The following ZMAT5 variants were observed in gnomAD, a reference collection of about 807,000 sequenced individuals.
ZMAT5 encodes zinc finger matrin-type 5, also known as zinc finger matrin-type protein 5.
Under a neutral mutation model 28.0 loss-of-function variants are expected in ZMAT5, and 23 were observed. The observed-to-expected ratio is 0.82, with a 90% CI of 0.59 to 1.16. The LOEUF is 1.16. Among genes scored for constraint, ZMAT5 ranks in the 50% most tolerant of loss-of-function variants. ZMAT5 has a pLI of 0.00. For synonymous variants in ZMAT5, 76 were observed against 84.1 expected (o/e 0.90, Z 0.52); for missense variants, 173 against 212.7 (o/e 0.81, Z 1.16).
At chr22:29,752,759 TC>T (rs748703772) in intron 1 of ZMAT5, among the ~76,000 whole-genome samples, 5 of 152,154 alleles carry the variant, frequency 3.3e-5, no homozygotes, top group Admixed American at 2.6e-4. Flanking sequence ...CCCAGGTTGG[TC>T]TCAAACTCCT....
intron 3 of ZMAT5, 149 bp downstream of exon 3, chr22:29,742,269 C>A: frequency 1.4e-6 from 1 of 697,886 alleles, no homozygotes; most frequent in Non-Finnish European, 2.5e-6. Context: ...CTTGGGAAGG[C>A]CCTGACTGGC....
chr22:29,758,512 ACT>A (rs1018342552), intron 1 of ZMAT5, among the ~76,000 whole-genome samples: 1 of 151,964 alleles, frequency 6.6e-6, no homozygotes, highest in African/African-American at 2.4e-5. Context: ...AGTTCCAGCT[ACT>A]TGGGGGGCTG....
intron 1 of ZMAT5, among the ~76,000 whole-genome samples, chr22:29,762,333 C>G (rs764637407): frequency 3.9e-5 from 6 of 152,156 alleles, no homozygotes; most frequent in Non-Finnish European, 5.9e-5. Context: ...TGGCTTAAAG[C>G]AGGGGACCCC....
intron 5 of ZMAT5, among the ~76,000 whole-genome samples, chr22:29,735,452 G>A (rs1265742121): frequency 6.6e-6 from 1 of 152,232 alleles, no homozygotes; most frequent in Admixed American, 6.5e-5. Flanking sequence ...GTGGGCTCCA[G>A]TTGCAGAACA....
chr22:29,762,322 A>T (rs1192950359), intron 1 of ZMAT5, among the ~76,000 whole-genome samples: 1 of 152,240 alleles, frequency 6.6e-6, no homozygotes, highest in East Asian at 1.9e-4. Flanking sequence ...GTTGAAATAC[A>T]TGGCTTAAAG....
chr22:29,759,753 G>C (rs2068137921), intron 1 of ZMAT5, among the ~76,000 whole-genome samples: 1 of 152,228 alleles, frequency 6.6e-6, no homozygotes, highest in South Asian at 2.1e-4. Context: ...TTGGGCAACA[G>C]AGTGAGACCC....
At chr22:29,739,955 G>A (rs937821413) in intron 4 of ZMAT5, among the ~76,000 whole-genome samples, 3 of 152,234 alleles carry the variant, frequency 2.0e-5, no homozygotes, top group Non-Finnish European at 2.9e-5. Flanking sequence ...GCTACCCTGA[G>A]GCCTCCTGGA....
intron 5 of ZMAT5, among the ~76,000 whole-genome samples, chr22:29,732,251 C>T (rs140100): frequency 0.44 from 66,748 of 152,114 alleles, 15,010 homozygotes; most frequent in East Asian, 0.6. Context: ...ACTCCCATCA[C>T]CCCAGCTGCC....
chr22:29,734,939 C>A (rs576702776), intron 5 of ZMAT5, among the ~76,000 whole-genome samples: 3 of 152,210 alleles, frequency 2.0e-5, no homozygotes, highest in African/African-American at 7.2e-5. Flanking sequence ...GGATCCCCCG[C>A]GGGAGCAGAG....
At chr22:29,766,657 CA>C (rs1274333486) in intron 1 of ZMAT5, among the ~76,000 whole-genome samples, 1 of 152,234 alleles carries the variant, frequency 6.6e-6, no homozygotes, top group Non-Finnish European at 1.5e-5. Flanking sequence ...GAACAGGAAG[CA>C]GGGCAGATCC....
Position 29,740,736 on chromosome 22 carries a change from GCAGGAAGA to G in ZMAT5, c.191-14_191-7del. The G allele has an allele frequency of 6.3e-7, 1 of 1,590,042 alleles. No individual in the cohort carries two copies. Among genetic ancestry groups the G allele is most frequent in the Non-Finnish European group, 8.6e-7 (1 of 1,168,294 alleles). On this transcript the variant is annotated splice_polypyrimidine_tract_variant and splice_region_variant and intron_variant, in intron 3 of 5. Transcript: ENST00000344318. ...GGAGCCAAAGTCGCACTGGCCTGCAGCAGGAAGACAGAGTTACTCGCTGCTCGGGAGGG... is the reference window on the plus strand; with the variant it reads ...GGAGCCAAAGTCGCACTGGCCTGCAGCAGAGTTACTCGCTGCTCGGGAGGG...
At chr22:29,748,605 T>G in intron 1 of ZMAT5, 34 bp from the exon 2 acceptor site, 1 of 1,608,484 alleles carries the variant, frequency 6.2e-7, no homozygotes, top group South Asian at 1.1e-5. Flanking sequence ...ATTAGACCAT[T>G]GGAGAAAACA....
chr22:29,758,676 C>T (rs1247587281), intron 1 of ZMAT5: 2 of 152,150 alleles, frequency 1.3e-5, no homozygotes, highest in Non-Finnish European at 2.9e-5. Flanking sequence ...CATTTGGTAT[C>T]TATTTTTTAA....
intron 1 of ZMAT5, among the ~76,000 whole-genome samples, chr22:29,751,715 C>T (rs1240637308): frequency 6.6e-6 from 1 of 152,132 alleles, no homozygotes. Flanking sequence ...CTCCTTAATC[C>T]CAGCATTTTG....
intron 1 of ZMAT5, among the ~76,000 whole-genome samples, chr22:29,760,035 T>C (rs755745867): frequency 6.6e-6 from 1 of 152,044 alleles, no homozygotes; most frequent in Non-Finnish European, 1.5e-5. Context: ...ACCCCATCTC[T>C]ACTAAAATAC....
At chr22:29,749,349 A>G (rs1359517919) in intron 1 of ZMAT5, among the ~76,000 whole-genome samples, 1 of 152,092 alleles carries the variant, frequency 6.6e-6, no homozygotes, top group Non-Finnish European at 1.5e-5. Flanking sequence ...CTGGGATTAC[A>G]GGTACGAGCC....
At chr22:29,753,700 AAAC>A (rs748352588) in intron 1 of ZMAT5, among the ~76,000 whole-genome samples, 13 of 152,050 alleles carry the variant, frequency 8.5e-5, no homozygotes, top group Non-Finnish European at 1.2e-4. Context: ...AAAAAAGCAA[AAAC>A]AACAACAACA....
chr22:29,759,098 G>A (rs116623765), intron 1 of ZMAT5, among the ~76,000 whole-genome samples: 394 of 152,334 alleles, frequency 2.6e-3, no homozygotes, highest in African/African-American at 9.1e-3. Flanking sequence ...GGTGAAGGTC[G>A]GCTGAGCCTG....
At chr22:29,748,306 G>A in intron 2 of ZMAT5, 112 bp downstream of exon 2, 1 of 1,524,398 alleles carries the variant, frequency 6.6e-7, no homozygotes, top group Non-Finnish European at 9.0e-7. Context: ...CCTCTCTTTT[G>A]ATCCTCAAAG....
Sources: allele counts gnomAD v4.1 joint callset (sites outside exome capture counted in the v4.1 genomes callset), GRCh38; gene constraint gnomAD v4.1.1; transcripts MANE v1.5; gene names NCBI Gene and HGNC (gene_info 2026-07-23, HGNC 2026-07-21).